FLOT2: variants seen among roughly 807,000 people sequenced by gnomAD.
The protein encoded by FLOT2 is flotillin 2.
A neutral mutation model predicts 54.9 loss-of-function variants in FLOT2; 35 were observed. That is an observed-to-expected ratio of 0.64 (90% CI 0.49 to 0.84). FLOT2 has a LOEUF of 0.84. Ranked by LOEUF, FLOT2 falls within the 40% of genes least tolerant of loss-of-function variation. The pLI, the probability that FLOT2 is intolerant of heterozygous loss-of-function variation, is 0.00. For synonymous variants in FLOT2, 207 were observed against 228.9 expected, an observed-to-expected ratio of 0.90 and a Z score of 0.86; for missense variants, 464 against 572.1, an observed-to-expected ratio of 0.81 and a Z score of 1.93.
rs773581646 is a variant in FLOT2 at position 28,880,550 on chromosome 17, C to A, written c.*11G>T. 4.6e-5 allele frequency: 75 copies of A among 1,613,286 alleles called. No individual in the cohort carries two copies. Among genetic ancestry groups the A allele is most frequent in the Non-Finnish European group, 6.3e-5 (74 of 1,179,694 alleles). On this transcript the variant is annotated 3_prime_UTR_variant, in exon 11 of 11. Transcript: ENST00000394908. ...CGGGTGGCTGCTGAAGAGAGTGGGC[C>A]TGCAGGAGCCTCACACCTGCACACC...
chr17:28,884,866 TGC>T lies in FLOT2; in HGVS notation c.132-553_132-552del, dbSNP rs1220287916. On this transcript the variant is annotated intron_variant, in intron 2 of 10. Transcript: ENST00000394908. This position sits in a 1 kb window ranked among gnomAD's most constrained non-coding sequence, Gnocchi z 5.1. Reference sequence around the variant, plus strand: ...TGGAAGTGATTCTGTACCTGCCCCTTGCCAGAGAAGCCCTACCTGGTGGCTGC... The same window carrying T: ...TGGAAGTGATTCTGTACCTGCCCCTTCAGAGAAGCCCTACCTGGTGGCTGC... Among the ~76,000 whole-genome samples the T allele has an allele frequency of 1.3e-5, 2 of 152,190 alleles. No individual in the cohort carries two copies. Among genetic ancestry groups the T allele is most frequent in the Non-Finnish European group, 2.9e-5 (2 of 68,036 alleles).
At position 28,881,975 on chromosome 17, in the gene FLOT2, C is replaced by T; in HGVS notation, c.753G>A (p.Lys251=). 1.2e-6 allele frequency: 2 copies of T among 1,614,176 alleles called. No homozygotes were observed. The highest frequency in any genetic ancestry group is 2.7e-5 in the African/African-American group (2 of 75,052). The change falls in exon 8 of 11, where the codon AAG becomes AAA. Residue 251 remains lysine, a synonymous_variant. Coordinates refer to ENST00000394908, the MANE Select transcript of FLOT2 (RefSeq NM_004475.3). The part of the protein sequence containing the change: ...YELQGAREQQ[K]IRQEEIEIEV... ...CAATCTCAATCTCTTCCTGCCGGAT[C>T]TTCTGCTGTTCACGGGCCCCCTGCA...
Position 28,883,214 on chromosome 17 carries a change from C to G in FLOT2, c.240G>C (p.Glu80Asp), listed in dbSNP as rs1385148690. 2 of 1,613,980 alleles carry G rather than the reference C, an allele frequency of 1.2e-6. No individual in the cohort carries two copies. The highest frequency in any genetic ancestry group is 1.7e-6 in the Non-Finnish European group (2 of 1,180,006). Residue 80 changes from glutamate (E) to aspartate (D), a missense_variant, in exon 4 of 11, where the codon GAG becomes GAC. Physicochemically the swap from Glu to Asp is conservative, Grantham distance 45. Transcript: ENST00000394908. The surrounding 1 kb of genome is among the most constrained non-coding windows in gnomAD (Gnocchi z 5.0). ...TGVAQVKIMT[E>D]KELLAVACEQ... Reference sequence around the variant, plus strand: ...CACAAGCCACGGCCAGGAGTTCCTTCTCCGTCATGATCTTCACCTGTCAGT... The same window carrying G: ...CACAAGCCACGGCCAGGAGTTCCTTGTCCGTCATGATCTTCACCTGTCAGT...
rs1266178370 is a variant in FLOT2, at chr17:28,888,946, T to C, written c.130A>G (p.Arg44Gly). The C allele has an allele frequency of 2.5e-6, 4 of 1,613,744 alleles. No homozygotes were observed. The South Asian group carries it at 3.3e-5, about 13-fold the overall frequency. The change falls in exon 2 of 11, where the codon AGG (arginine) becomes GGG (glycine). Residue 44 changes from arginine to glycine, a missense_variant and splice_region_variant. Arg to Gly is a moderately radical substitution (Grantham distance 125). Coordinates refer to ENST00000394908, the MANE Select transcript of FLOT2 (RefSeq NM_004475.3). ...WAWWCISDTQ[R>G]ISLEIMTLQP... ...GTCCTAGAGCCCCCAGGTGCTTACC[T>C]CTGAGTGTCGGAGATACACCACCAG...
At position 28,883,031 on chromosome 17, in the gene FLOT2, C is replaced by T; in HGVS notation, c.346+77G>A. 1 of 1,475,322 alleles carries T rather than the reference C, an allele frequency of 6.8e-7. No individual in the cohort carries two copies. The highest frequency in any genetic ancestry group is 9.3e-7 in the Non-Finnish European group (1 of 1,077,730). 91.4% of individuals were successfully genotyped at this position (1,475,322 alleles called of 1,614,324 possible). On this transcript the variant is annotated intron_variant, in intron 4 of 10. Coordinates refer to ENST00000394908, the MANE Select transcript of FLOT2 (RefSeq NM_004475.3). The surrounding 1 kb of genome is among the most constrained non-coding windows in gnomAD (Gnocchi z 5.0). The stretch of plus-strand genomic sequence containing the variant: ...CTTGAAACTCCTGTGAAACAGGCCC[C>T]CTGCCCAGCCCTGCACACCTCCCTG...
In FLOT2 at chr17:28,883,350, G is replaced by A; in HGVS notation, c.223-119C>T. On this transcript the variant is annotated intron_variant, in intron 3 of 10. Transcript: ENST00000394908. The surrounding 1 kb of genome is among the most constrained non-coding windows in gnomAD (Gnocchi z 5.0). The stretch of plus-strand genomic sequence containing the variant: ...TCCCTTCCTTTTTTCAGACCTGGAG[G>A]CCCTGGGGGGCTGGAATCTGTCTGA... 1 of 1,255,116 alleles carries A rather than the reference G, an allele frequency of 8.0e-7. No homozygotes were observed. Among genetic ancestry groups the A allele is most frequent in the Non-Finnish European group, 1.1e-6 (1 of 890,690 alleles). The allele number at this position is 1,255,116 out of a possible 1,614,324, so 77.7% of individuals were successfully genotyped here.
rs1050862076 is a variant in FLOT2 at position 28,884,453 on chromosome 17, G to A, written c.132-138C>T. 2.8e-5 allele frequency: 17 copies of A among 609,878 alleles called. No homozygotes were observed. The highest frequency in any genetic ancestry group is 2.0e-4 in the Admixed American group (7 of 34,298). 37.8% of individuals were successfully genotyped at this position (609,878 alleles called of 1,614,324 possible). On this transcript the variant is annotated intron_variant, in intron 2 of 10. Coordinates refer to ENST00000394908, the MANE Select transcript of FLOT2 (RefSeq NM_004475.3). This position sits in a 1 kb window ranked among gnomAD's most constrained non-coding sequence, Gnocchi z 5.1. ...GGAGGACTCTCCACGGGGCTGAGAT[G>A]GGAGTGTCTGAGAAGGAGGTGGGCA...
In FLOT2 at chr17:28,897,393, TCAGGTGCGGCCCGGGGGCCA is replaced by T; in HGVS notation, c.49+113_49+132del. On this transcript the variant is annotated intron_variant, in intron 1 of 10. Transcript: ENST00000394908. This position sits in a 1 kb window ranked among gnomAD's most constrained non-coding sequence, Gnocchi z 4.4. Reference sequence around the variant, plus strand: ...CACGAGATCTCTCTTGGAAGGGGCCTCAGGTGCGGCCCGGGGGCCAGCGCCCTGCGCCGCGCGGTGGACTC... The same window carrying T: ...CACGAGATCTCTCTTGGAAGGGGCCTGCGCCCTGCGCCGCGCGGTGGACTC... The T allele has an allele frequency of 2.5e-6, 2 of 789,194 alleles. No individual in the cohort carries two copies. The highest frequency in any genetic ancestry group is 3.9e-6 in the Non-Finnish European group (2 of 512,252). 48.9% of individuals were successfully genotyped at this position (789,194 alleles called of 1,614,324 possible). A position where few individuals can be genotyped will look rare whatever the true frequency, so the allele number is the denominator to read the frequency against.
rs2039411470 is a variant in FLOT2 at position 28,879,418 on chromosome 17, C to A, written c.*1143G>T. The stretch of plus-strand genomic sequence containing the variant: ...ACATCCAAGCCCCAGACCAGACATG[C>A]AGCATCCACATGCAGGAAGAGCTAC... On this transcript the variant is annotated 3_prime_UTR_variant, in exon 11 of 11. Coordinates refer to ENST00000394908, the MANE Select transcript of FLOT2 (RefSeq NM_004475.3). 3 of 988,078 alleles carry A rather than the reference C, an allele frequency of 3.0e-6. No homozygotes were observed. The highest frequency in any genetic ancestry group is 6.1e-5 in the Admixed American group (1 of 16,266). 61.2% of individuals were successfully genotyped at this position (988,078 alleles called of 1,614,324 possible). A position where few individuals can be genotyped will look rare whatever the true frequency, so the allele number is the denominator to read the frequency against.
rs376652741 is a variant in FLOT2 at position 28,884,625 on chromosome 17, T to C, written c.132-310A>G. Among the ~76,000 whole-genome samples the C allele has an allele frequency of 1.3e-5, 2 of 152,236 alleles. No individual in the cohort carries two copies. The highest frequency in any genetic ancestry group is 3.9e-4 in the East Asian group (2 of 5,186). On this transcript the variant is annotated intron_variant, in intron 2 of 10. Transcript: ENST00000394908. The surrounding 1 kb of genome is among the most constrained non-coding windows in gnomAD (Gnocchi z 5.1). ...TCGGGGGCTGTTGGTCAGGGGAGAATCCAGGTGTAGCTGTGTGTATGTTCT... is the reference window on the plus strand; with the variant it reads ...TCGGGGGCTGTTGGTCAGGGGAGAACCCAGGTGTAGCTGTGTGTATGTTCT...
intron 1 of FLOT2, among the ~76,000 whole-genome samples, chr17:28,890,007 G>T (rs1337718567): frequency 1.3e-5 from 2 of 152,136 alleles, no homozygotes; most frequent in African/African-American, 2.4e-5. Flanking sequence ...ATCACGGGGG[G>T]TGTAGACAGA....
At position 28,882,817 on chromosome 17, in the gene FLOT2, A is replaced by C; in HGVS notation, c.347-126T>G. On this transcript the variant is annotated intron_variant, in intron 4 of 10. Transcript: ENST00000394908. This position sits in a 1 kb window ranked among gnomAD's most constrained non-coding sequence, Gnocchi z 5.6. ...ACTCTGAGCTGGGTCTTCCTGGGGT[A>C]TCTTCTCAACAGCACTTAACACCGA... 1 of 713,386 alleles carries C rather than the reference A, an allele frequency of 1.4e-6. No individual in the cohort carries two copies. The highest frequency in any genetic ancestry group is 1.7e-5 in the South Asian group (1 of 60,038). 44.2% of individuals were successfully genotyped at this position (713,386 alleles called of 1,614,324 possible).
chr17:28,897,657 T>G lies in FLOT2; in HGVS notation c.-83A>C. On this transcript the variant is annotated 5_prime_UTR_variant, in exon 1 of 11. Coordinates refer to ENST00000394908, the MANE Select transcript of FLOT2 (RefSeq NM_004475.3). The surrounding 1 kb of genome is among the most constrained non-coding windows in gnomAD (Gnocchi z 4.4). ...TCTGCAGCGCCGGCCGCGCCCAGCC[T>G]ATCCCGCCACCCCCAGCGGCCGGCC... is the stretch of plus-strand genomic sequence containing the variant. 3 of 1,216,102 alleles carry G rather than the reference T, an allele frequency of 2.5e-6. No homozygotes were observed. The highest frequency in any genetic ancestry group is 3.2e-6 in the Non-Finnish European group (3 of 946,658). 75.3% of individuals were successfully genotyped at this position (1,216,102 alleles called of 1,614,324 possible).
chr17:28,883,243 G>A lies in FLOT2; in HGVS notation c.223-12C>T, dbSNP rs1204130344. ...GTCATGATCTTCACCTGTCAGTGAC[G>A]ACAAAGGCGCTTCAGCTAGGCTGGA... On this transcript the variant is annotated splice_polypyrimidine_tract_variant and intron_variant, in intron 3 of 10. Coordinates refer to ENST00000394908, the MANE Select transcript of FLOT2 (RefSeq NM_004475.3). The surrounding 1 kb of genome is among the most constrained non-coding windows in gnomAD (Gnocchi z 5.0). 5.0e-6 allele frequency: 8 copies of A among 1,613,924 alleles called. No individual in the cohort carries two copies. Among genetic ancestry groups the A allele is most frequent in the Middle Eastern group, 1.7e-4 (1 of 6,056 alleles).
Position 28,884,396 on chromosome 17 carries a change from G to A in FLOT2, c.132-81C>T. ...TTGGGAAAGAGGCCAGTACCTCACT[G>A]CTCCGGCTGGGTCCTGGTGAGGAAG... On this transcript the variant is annotated intron_variant, in intron 2 of 10. Coordinates refer to ENST00000394908, the MANE Select transcript of FLOT2 (RefSeq NM_004475.3). This position sits in a 1 kb window ranked among gnomAD's most constrained non-coding sequence, Gnocchi z 5.1. 1 of 843,088 alleles carries A rather than the reference G, an allele frequency of 1.2e-6. No individual in the cohort carries two copies. Among genetic ancestry groups the A allele is most frequent in the East Asian group, 2.5e-5 (1 of 40,152 alleles). The allele number at this position is 843,088 out of a possible 1,614,324, so 52.2% of individuals were successfully genotyped here.
chr17:28,892,531 G>C (rs895653137), intron 1 of FLOT2: 4 of 151,596 alleles, frequency 2.6e-5, no homozygotes, highest in Admixed American at 2.6e-4. Context: ...TAATAGAGCC[G>C]GGTTTCACCT....
chr17:28,897,594 G>C lies in FLOT2; in HGVS notation c.-20C>G, dbSNP rs778002860. On this transcript the variant is annotated 5_prime_UTR_variant, in exon 1 of 11. Coordinates refer to ENST00000394908, the MANE Select transcript of FLOT2 (RefSeq NM_004475.3). This position sits in a 1 kb window ranked among gnomAD's most constrained non-coding sequence, Gnocchi z 4.4. ...GCCCATGGCGCCGGCGGCACGGAGG[G>C]CCCTCGGGACCGCACAGACCCGGAC... The C allele has an allele frequency of 6.3e-7, 1 of 1,583,698 alleles. No homozygotes were observed. The highest frequency in any genetic ancestry group is 8.6e-7 in the Non-Finnish European group (1 of 1,165,662).
Position 28,880,744 on chromosome 17 carries a change from A to C in FLOT2, c.1217T>G (p.Val406Gly). ...NRLLAELPAS[V>G]HALTGVDLSK... ...CAGGTCCACGCCTGTGAGGGCATGC[A>C]CAGAGGCAGGCAGCTCGGCCAGCAG... Residue 406 changes from valine (V) to glycine (G), a missense_variant, in exon 10 of 11, where the codon GTG (valine) becomes GGG (glycine). Coordinates refer to ENST00000394908, the MANE Select transcript of FLOT2 (RefSeq NM_004475.3). The C allele has an allele frequency of 1.2e-6, 2 of 1,614,248 alleles. No individual in the cohort carries two copies.
rs1014489909 is a variant in FLOT2, at chr17:28,880,183, G to A, written c.*378C>T. On this transcript the variant is annotated 3_prime_UTR_variant, in exon 11 of 11. Transcript: ENST00000394908. ...CATAGGGAGGATGGACAGATGCACA[G>A]AGAACTTCAAGGCACCAGGATTCTG... 4.5e-6 allele frequency: 5 copies of A among 1,116,428 alleles called. No homozygotes were observed. The African/African-American group carries it at 8.2e-5, about 18-fold the overall frequency. The allele number at this position is 1,116,428 out of a possible 1,614,324, so 69.2% of individuals were successfully genotyped here. A position where few individuals can be genotyped will look rare whatever the true frequency, so the allele number is the denominator to read the frequency against.
Sources: allele counts gnomAD v4.1 joint callset (sites outside exome capture counted in the v4.1 genomes callset), GRCh38; gene constraint gnomAD v4.1.1; non-coding constraint Gnocchi (gnomAD v3.1); transcripts MANE v1.5; gene names NCBI Gene and HGNC (gene_info 2026-07-23, HGNC 2026-07-21).